ZNF292: variants seen among roughly 807,000 people sequenced by gnomAD.
The protein encoded by ZNF292 is 16 zinc-finger domain protein.
ZNF292 carries 26 observed loss-of-function variants against 217.9 expected under a neutral mutation model. The ratio of observed to expected loss-of-function variants is 0.12; its 90% CI spans 0.09 to 0.17. The LOEUF (loss-of-function observed/expected upper bound fraction) is 0.17. ZNF292 is among the 10% of genes least tolerant of loss of function. The pLI is 1.00. For missense variants in ZNF292, 2,904 were observed against 3,175.2 expected, an observed-to-expected ratio of 0.91 and a Z score of 2.05; for synonymous variants, 1,257 against 1,124.1, an observed-to-expected ratio of 1.12 and a Z score of -2.37.
chr6:87,241,609 G>T (rs958169491), intron 5 of ZNF292, among the ~76,000 whole-genome samples: 3 of 152,008 alleles, frequency 2.0e-5, no homozygotes, highest in Admixed American at 2.0e-4. Flanking sequence ...TAGTAGAGAT[G>T]GGATTTCACC....
In ZNF292 at chr6:87,265,511, C is replaced by T. The variant is rs1775779220; in HGVS notation, c.*3710C>T. Among the ~76,000 whole-genome samples the T allele has an allele frequency of 6.6e-6, 1 of 152,134 alleles. No individual in the cohort carries two copies. Among genetic ancestry groups the T allele is most frequent in the Non-Finnish European group, 1.5e-5 (1 of 68,042 alleles). ...CAGGTATTACAAGCATGAGCCACCACACCCAGCCTCTCTTAAATAATTTAA... is the reference window on the plus strand; with the variant it reads ...CAGGTATTACAAGCATGAGCCACCATACCCAGCCTCTCTTAAATAATTTAA... On this transcript the variant is annotated 3_prime_UTR_variant, in exon 8 of 8. Coordinates refer to ENST00000369577, the MANE Select transcript of ZNF292 (RefSeq NM_015021.3).
At chr6:87,159,781 G>A (rs1348053717) in intron 1 of ZNF292, among the ~76,000 whole-genome samples, 1 of 152,090 alleles carries the variant, frequency 6.6e-6, no homozygotes, top group Non-Finnish European at 1.5e-5. Context: ...GCCCGGCCCT[G>A]TCTCAGCCTT....
intron 1 of ZNF292, among the ~76,000 whole-genome samples, chr6:87,168,782 T>C (rs1770996675): frequency 1.3e-5 from 2 of 152,118 alleles, no homozygotes; most frequent in African/African-American, 4.8e-5. Context: ...TAACAGGTTT[T>C]ATATTTAGAA....
chr6:87,253,855 A>G (rs3857486), intron 7 of ZNF292, among the ~76,000 whole-genome samples: 57,329 of 152,016 alleles, frequency 0.38, 11,263 homozygotes, highest in Admixed American at 0.52. Context: ...CTCATTTATC[A>G]TTGTTCCCTT....
intron 1 of ZNF292, among the ~76,000 whole-genome samples, chr6:87,186,743 C>CA (rs1264551184): frequency 2.6e-5 from 4 of 152,048 alleles, no homozygotes; most frequent in African/African-American, 9.7e-5. Flanking sequence ...GACCTGGTCT[C>CA]AAAAAACAGG....
rs1283929191 is a variant in ZNF292, at chr6:87,258,783, TTTAACA to T, written c.5159_5164del (p.Thr1720_Leu1721del). 1 of 1,613,448 alleles carries T rather than the reference TTTAACA, an allele frequency of 6.2e-7. No individual in the cohort carries two copies. Among genetic ancestry groups the T allele is most frequent in the Admixed American group, 1.7e-5 (1 of 59,880 alleles). ...TTGAGTCCCATACAGTGTTAGCCCCTTTAACATTAAAAACTGAAAATGGTGATTCCC... is the reference window on the plus strand; with the variant it reads ...TTGAGTCCCATACAGTGTTAGCCCCTTTAAAAACTGAAAATGGTGATTCCC... On this transcript the variant is annotated inframe_deletion, in exon 8 of 8. Coordinates refer to ENST00000369577, the MANE Select transcript of ZNF292 (RefSeq NM_015021.3).
chr6:87,177,726 T>C (rs929114047), intron 1 of ZNF292, among the ~76,000 whole-genome samples: 1 of 152,234 alleles, frequency 6.6e-6, no homozygotes, highest in East Asian at 1.9e-4. Flanking sequence ...AGTTATGGGC[T>C]CATTTTCTTA....
intron 1 of ZNF292, among the ~76,000 whole-genome samples, chr6:87,176,011 G>T (rs1300620673): frequency 6.6e-6 from 1 of 152,112 alleles, no homozygotes; most frequent in East Asian, 1.9e-4. Context: ...GAAGGTAAAT[G>T]ATAGCTATTA....
Position 87,256,059 on chromosome 6 carries a change from G to A in ZNF292, c.2430G>A (p.Lys810=). The A allele has an allele frequency of 6.2e-7, 1 of 1,611,502 alleles. No homozygotes were observed. Among genetic ancestry groups the A allele is most frequent in the Non-Finnish European group, 8.5e-7 (1 of 1,178,602 alleles). Residue 810 remains lysine (K), a synonymous_variant, in exon 8 of 8, where the codon AAG becomes AAA. Coordinates refer to ENST00000369577, the MANE Select transcript of ZNF292 (RefSeq NM_015021.3). ...AACATTATAATACGTACACTTGTAA[G>A]TTCACAGGTTGTGGTAAAGTTTATC... is the stretch of plus-strand genomic sequence containing the variant. ...EAQHYNTYTC[K]FTGCGKVYRS...
In ZNF292 at chr6:87,260,278, C is replaced by T. The variant is rs1032993077; in HGVS notation, c.6649C>T (p.Pro2217Ser). 3 of 1,613,438 alleles carry T rather than the reference C, an allele frequency of 1.9e-6. No individual in the cohort carries two copies. In the African/African-American group the frequency reaches 4.0e-5, roughly 22 times the overall value. Residue 2217 changes from proline to serine, a missense_variant, in exon 8 of 8, where the codon CCA becomes TCA. Physicochemically the swap from Pro to Ser is moderately conservative, Grantham distance 74 (BLOSUM62 -1). Around this residue, in one of 15 missense-constraint regions of ZNF292, gnomAD observed 55 missense variants for 99.8 expected, o/e 0.55. Coordinates refer to ENST00000369577, the MANE Select transcript of ZNF292 (RefSeq NM_015021.3). ...TGCTTCAGTGGATGTTGGGAAGTTT[C>T]CATGTGACCAGTTAGAGTGTAAATC... ...MTASVDVGKF[P>S]CDQLECKSSF...
intron 7 of ZNF292, among the ~76,000 whole-genome samples, chr6:87,246,829 C>T (rs1034336292): frequency 2.6e-5 from 4 of 152,142 alleles, no homozygotes; most frequent in Non-Finnish European, 4.4e-5. Context: ...GCGCTCCAGC[C>T]TGGGTGACAA....
At chr6:87,173,623 G>A (rs1213232858) in intron 1 of ZNF292, 2 of 152,340 alleles carry the variant, frequency 1.3e-5, no homozygotes, top group African/African-American at 4.8e-5. Flanking sequence ...CTAGCTTGTG[G>A]TACCATCATC....
At chr6:87,234,559 A>C (rs917303545) in intron 5 of ZNF292, among the ~76,000 whole-genome samples, 9 of 140,892 alleles carry the variant, frequency 6.4e-5, no homozygotes, top group East Asian at 2.0e-4. Flanking sequence ...ACTCTGTCGC[A>C]AAAAAAAAAA....
intron 1 of ZNF292, among the ~76,000 whole-genome samples, chr6:87,209,525 C>T (rs184485411): frequency 6.6e-5 from 10 of 152,246 alleles, no homozygotes; most frequent in South Asian, 2.1e-4. Context: ...AACTGTAAGA[C>T]ATTATTTGCC....
At chr6:87,185,713 C>T (rs1771626482) in intron 1 of ZNF292, among the ~76,000 whole-genome samples, 1 of 152,248 alleles carries the variant, frequency 6.6e-6, no homozygotes, top group Non-Finnish European at 1.5e-5. Context: ...AAGCGATCTA[C>T]CCACTTCAGC....
chr6:87,198,300 G>T (rs1378356772), intron 1 of ZNF292, among the ~76,000 whole-genome samples: 2 of 152,104 alleles, frequency 1.3e-5, no homozygotes, highest in African/African-American at 2.4e-5. Context: ...CGCCTCCCGG[G>T]TTCACACCAT....
chr6:87,172,000 A>G (rs574381461), intron 1 of ZNF292, among the ~76,000 whole-genome samples: 1 of 152,340 alleles, frequency 6.6e-6, no homozygotes, highest in East Asian at 1.9e-4. Context: ...GGAGAGTTCA[A>G]TTCAACCATT....
At chr6:87,242,744 C>T (rs939599948) in intron 5 of ZNF292, among the ~76,000 whole-genome samples, 1 of 151,884 alleles carries the variant, frequency 6.6e-6, no homozygotes, top group African/African-American at 2.4e-5. Flanking sequence ...AAAGTCTGTT[C>T]GTTTTATATA....
chr6:87,177,343 G>C (rs9351118), intron 1 of ZNF292, among the ~76,000 whole-genome samples: 1 of 149,252 alleles, frequency 6.7e-6, no homozygotes, highest in East Asian at 2.0e-4. Context: ...AAAAAAAAAT[G>C]TTTTGAATCC....
Sources: gnomAD v4.1 joint callset for allele counts (sites outside exome capture counted in the v4.1 genomes callset) on GRCh38, gnomAD v4.1.1 for gene constraint, gnomAD v4.1.1 regional missense constraint, MANE v1.5 for transcripts, NCBI Gene and HGNC (gene_info 2026-07-23, HGNC 2026-07-21) for gene names.